The following CAAP1 variants were observed in gnomAD, a reference collection of about 807,000 sequenced individuals.
CAAP1 encodes conserved anti-apoptotic protein.
A neutral mutation model predicts 34.0 loss-of-function variants in CAAP1; 20 were observed. The observed-to-expected ratio is 0.59, with a 90% CI of 0.41 to 0.86. The LOEUF (loss-of-function observed/expected upper bound fraction) is 0.86, where lower values mean the gene tolerates loss of function less well. Ranked by LOEUF, CAAP1 falls within the 40% of genes least tolerant of loss-of-function variation. The probability of loss-of-function intolerance (pLI) is 0.00; values close to 1 mark genes in which losing one functional copy is unlikely to be tolerated. For missense variants in CAAP1, 538 were observed against 450.5 expected (o/e 1.19, Z -1.76); for synonymous variants, 213 against 166.7 (o/e 1.28, Z -2.14).
At chr9:26,871,942 T>TAAATAAATAAATAAATAAATAAAA in intron 4 of CAAP1, among the ~76,000 whole-genome samples, 1 of 151,470 alleles carries the variant, frequency 6.6e-6, no homozygotes, top group African/African-American at 2.4e-5. Context: ...AATAAATAAA[T>TAAATAAATAAATAAATAAATAAAA]AAAATAAAAA....
Position 26,872,265 on chromosome 9 carries a change from C to T in CAAP1, c.666-11126G>A, listed in dbSNP as rs530276517. ...CATTCTATCTTCTCTAAATGCCTACCCTGAGCATAAATAGCAGTCTGCAGG... is the reference window on the plus strand; with the variant it reads ...CATTCTATCTTCTCTAAATGCCTACTCTGAGCATAAATAGCAGTCTGCAGG... On this transcript the variant is annotated intron_variant, in intron 4 of 5. Transcript: ENST00000333916. Among the ~76,000 whole-genome samples, 11 of 152,134 alleles carry T rather than the reference C, an allele frequency of 7.2e-5. No homozygotes were observed. In the East Asian group the frequency reaches 2.1e-3, roughly 29 times the overall value.
chr9:26,889,728 C>A (rs1056808471), intron 1 of CAAP1, among the ~76,000 whole-genome samples: 3 of 150,896 alleles, frequency 2.0e-5, no homozygotes, highest in Non-Finnish European at 4.4e-5. Context: ...ATTAACTGGG[C>A]GTTGTGGCAG....
intron 5 of CAAP1, among the ~76,000 whole-genome samples, chr9:26,853,992 G>A (rs1822811590): frequency 6.6e-6 from 1 of 152,156 alleles, no homozygotes; most frequent in South Asian, 2.1e-4. Flanking sequence ...TTTAGAAGAT[G>A]TATTAAACTC....
At chr9:26,881,901 C>T (rs7040066) in intron 4 of CAAP1, among the ~76,000 whole-genome samples, 149,712 of 152,302 alleles carry the variant, frequency 0.98, 73,635 homozygotes, top group East Asian at 1. Context: ...TGTGGTGGTT[C>T]CAGACGGAGA....
chr9:26,882,598 G>A (rs1253281990), intron 4 of CAAP1, among the ~76,000 whole-genome samples: 1 of 152,196 alleles, frequency 6.6e-6, no homozygotes, highest in Non-Finnish European at 1.5e-5. Flanking sequence ...AGGGAAATGT[G>A]GGGTTGAAGC....
chr9:26,861,210 A>C (rs1822996559), intron 4 of CAAP1, 71 bp from the exon 5 acceptor site: 2 of 1,139,072 alleles, frequency 1.8e-6, no homozygotes, highest in Non-Finnish European at 2.6e-6. Context: ...CCAGGTTCCC[A>C]GAATTAAGTT....
Position 26,892,697 on chromosome 9 carries a change from A to C in CAAP1, c.19T>G (p.Ser7Ala). 1 of 1,599,790 alleles carries C rather than the reference A, an allele frequency of 6.3e-7. No homozygotes were observed. The highest frequency in any genetic ancestry group is 8.5e-7 in the Non-Finnish European group (1 of 1,176,714). MTGKKS[S>A]REKRRKRSSQ... Reference sequence around the variant, plus strand: ...CTACGTTTGCGCCGTTTCTCCCGGGAGGACTTTTTCCCCGTCATGATCCCT... The same window carrying C: ...CTACGTTTGCGCCGTTTCTCCCGGGCGGACTTTTTCCCCGTCATGATCCCT... Residue 7 changes from serine to alanine, a missense_variant, in exon 1 of 6, where the codon TCC becomes GCC. Ser to Ala is a moderately conservative substitution (Grantham distance 99). Around this residue, in one of 3 missense-constraint regions of CAAP1, gnomAD observed 514 missense variants for 408.4 expected, o/e 1.26. Coordinates refer to ENST00000333916, the MANE Select transcript of CAAP1 (RefSeq NM_024828.4).
chr9:26,880,004 G>A (rs931399801), intron 4 of CAAP1, among the ~76,000 whole-genome samples: 2 of 149,420 alleles, frequency 1.3e-5, no homozygotes, highest in African/African-American at 2.5e-5. Flanking sequence ...TATTAGTTCT[G>A]TCCCTCTAGA....
At chr9:26,844,003 A>G (rs2131291518) in intron 5 of CAAP1, among the ~76,000 whole-genome samples, 1 of 152,322 alleles carries the variant, frequency 6.6e-6, no homozygotes, top group East Asian at 1.9e-4. Flanking sequence ...CAGAAAATTG[A>G]ATAAAACCTT....
At position 26,887,399 on chromosome 9, in the gene CAAP1, T is replaced by C. The variant is rs548301180; in HGVS notation, c.418A>G (p.Ile140Val). 8.7e-6 allele frequency: 14 copies of C among 1,612,774 alleles called. No individual in the cohort carries two copies. The highest frequency in any genetic ancestry group is 9.3e-6 in the Non-Finnish European group (11 of 1,179,210). ...TVSLKPVSFY[I>V]SDKKEMLQQC... The stretch of plus-strand genomic sequence containing the variant: ...TGAAGCATTTCTTTTTTGTCTGATA[T>C]ATAGAAACTAACTGGTTTCAATGAC... Residue 140 changes from isoleucine to valine, a missense_variant, in exon 2 of 6, where the codon ATA becomes GTA. Physicochemically the swap from Ile to Val is conservative, Grantham distance 29. Coordinates refer to ENST00000333916, the MANE Select transcript of CAAP1 (RefSeq NM_024828.4).
At chr9:26,854,789 T>C (rs542394066) in intron 5 of CAAP1, among the ~76,000 whole-genome samples, 23 of 152,328 alleles carry the variant, frequency 1.5e-4, no homozygotes, top group Non-Finnish European at 3.1e-4. Flanking sequence ...AATAAGTGTA[T>C]GAAAGATGTT....
chr9:26,889,833 A>C (rs758902230), intron 1 of CAAP1, among the ~76,000 whole-genome samples: 1 of 142,110 alleles, frequency 7.0e-6, no homozygotes, highest in East Asian at 2.1e-4. Flanking sequence ...ACGCCACTGC[A>C]CTCCAGCCTG....
intron 4 of CAAP1, 116 bp from the exon 5 acceptor site, chr9:26,861,255 C>T: frequency 1.5e-6 from 1 of 688,510 alleles, no homozygotes; most frequent in South Asian, 1.9e-5. Context: ...TTCTTCTAAG[C>T]TCCCAGGGTA....
intron 4 of CAAP1, among the ~76,000 whole-genome samples, chr9:26,870,934 A>G (rs903602731): frequency 6.6e-6 from 1 of 152,134 alleles, no homozygotes; most frequent in Non-Finnish European, 1.5e-5. Flanking sequence ...TATATTTTTG[A>G]TAAAAATATT....
chr9:26,851,478 A>G (rs766516167), intron 5 of CAAP1, among the ~76,000 whole-genome samples: 3 of 152,210 alleles, frequency 2.0e-5, no homozygotes, highest in Non-Finnish European at 4.4e-5. Context: ...CTCTGAAGAC[A>G]TCACCATTCT....
chr9:26,847,198 A>ATATTTTTTTTT (rs1554649570), intron 5 of CAAP1, among the ~76,000 whole-genome samples: 4 of 34,750 alleles, frequency 1.2e-4, no homozygotes, highest in African/African-American at 4.7e-4. Flanking sequence ...AAAAAGCAAT[A>ATATTTTTTTTT]TTTTTTTTTT....
intron 5 of CAAP1, among the ~76,000 whole-genome samples, chr9:26,845,198 TC>T (rs2131292948): frequency 6.6e-6 from 1 of 152,214 alleles, no homozygotes; most frequent in Admixed American, 6.5e-5. Flanking sequence ...TTGTTGTTGT[TC>T]CCTGCTGTTT....
chr9:26,879,116 T>A (rs1823522437), intron 4 of CAAP1, among the ~76,000 whole-genome samples: 1 of 152,232 alleles, frequency 6.6e-6, no homozygotes, highest in Admixed American at 6.5e-5. Context: ...ACAGGTATCT[T>A]TCCATGACAT....
intron 4 of CAAP1, among the ~76,000 whole-genome samples, chr9:26,878,262 T>A (rs184201731): frequency 1.3e-5 from 2 of 152,354 alleles, no homozygotes; most frequent in East Asian, 1.9e-4. Flanking sequence ...GGCATGTGCT[T>A]TGTTTCTTTC....
Sources: gnomAD v4.1 joint callset for allele counts (sites outside exome capture counted in the v4.1 genomes callset) on GRCh38, gnomAD v4.1.1 for gene constraint, gnomAD v4.1.1 regional missense constraint, MANE v1.5 for transcripts, NCBI Gene and HGNC (gene_info 2026-07-23, HGNC 2026-07-21) for gene names.